VSNL1: variants seen among roughly 807,000 people sequenced by gnomAD.
VSNL1 encodes the protein visinin-like protein 1.
In VSNL1, 6 loss-of-function variants were observed where a neutral mutation model predicts 20.4. The observed-to-expected ratio is 0.29, with a 90% CI of 0.16 to 0.58. VSNL1 has a LOEUF of 0.58. VSNL1 is among the 20% of genes least tolerant of loss of function. The pLI, the probability that VSNL1 is intolerant of heterozygous loss-of-function variation, is 0.90. For synonymous variants in VSNL1, 93 were observed against 86.4 expected (o/e 1.08, Z -0.42); for missense variants, 100 against 234.5 (o/e 0.43, Z 3.75).
intron 2 of VSNL1, among the ~76,000 whole-genome samples, chr2:17,594,883 G>A (rs754827531): frequency 8.5e-5 from 13 of 152,220 alleles, no homozygotes; most frequent in Non-Finnish European, 1.6e-4. Context: ...AACTCCTTCA[G>A]CAGATATATT....
chr2:17,644,434 A>G (rs1284960227), intron 2 of VSNL1, among the ~76,000 whole-genome samples: 5 of 152,170 alleles, frequency 3.3e-5, no homozygotes, highest in Non-Finnish European at 7.4e-5. Context: ...GCAGCCTGAC[A>G]GTGCACGAGG....
chr2:17,637,736 C>T (rs1036420617), intron 2 of VSNL1, among the ~76,000 whole-genome samples: 87 of 152,192 alleles, frequency 5.7e-4, no homozygotes, highest in Admixed American at 5.6e-3. Context: ...TTCATGAGAT[C>T]CCCAGGAGAT....
intron 1 of VSNL1, among the ~76,000 whole-genome samples, chr2:17,583,054 G>A (rs1020200641): frequency 6.6e-6 from 1 of 152,076 alleles, no homozygotes; most frequent in Non-Finnish European, 1.5e-5. Flanking sequence ...TAGAATTACT[G>A]TAGAGATAAC....
intron 2 of VSNL1, among the ~76,000 whole-genome samples, chr2:17,633,502 G>A (rs1173223945): frequency 6.6e-6 from 1 of 151,602 alleles, no homozygotes; most frequent in Non-Finnish European, 1.5e-5. Flanking sequence ...CTGGGTGACA[G>A]AGTGAGACTC....
At chr2:17,543,854 T>C (rs1663350726) in intron 1 of VSNL1, among the ~76,000 whole-genome samples, 1 of 152,210 alleles carries the variant, frequency 6.6e-6, no homozygotes, top group Non-Finnish European at 1.5e-5. Flanking sequence ...TTTCCTCTTT[T>C]GCTTTCTCCA....
chr2:17,586,904 T>A (rs1664488588), intron 1 of VSNL1, among the ~76,000 whole-genome samples: 1 of 152,090 alleles, frequency 6.6e-6, no homozygotes, highest in African/African-American at 2.4e-5. Context: ...AGTCTAAGCA[T>A]GAGAAGGCCA....
intron 1 of VSNL1, among the ~76,000 whole-genome samples, chr2:17,542,618 C>T (rs1663311105): frequency 6.6e-6 from 1 of 152,156 alleles, no homozygotes; most frequent in Admixed American, 6.5e-5. Context: ...TTGTCTATTC[C>T]TTCTTTCCTT....
chr2:17,548,101 C>G (rs1007671617), intron 1 of VSNL1, among the ~76,000 whole-genome samples: 1 of 152,068 alleles, frequency 6.6e-6, no homozygotes, highest in Non-Finnish European at 1.5e-5. Context: ...CTCCTATGAG[C>G]TACTCTTTCA....
intron 1 of VSNL1, among the ~76,000 whole-genome samples, chr2:17,551,661 T>A (rs1229274590): frequency 6.6e-6 from 1 of 152,140 alleles, no homozygotes; most frequent in Non-Finnish European, 1.5e-5. Flanking sequence ...GAAAGTGATC[T>A]AGATCCAAGT....
At chr2:17,606,443 G>C (rs1376736004) in intron 2 of VSNL1, among the ~76,000 whole-genome samples, 1 of 152,206 alleles carries the variant, frequency 6.6e-6, no homozygotes, top group Non-Finnish European at 1.5e-5. Context: ...TGCTTCACCT[G>C]CTTCCCAGAG....
chr2:17,623,438 T>C (rs1277276084), intron 2 of VSNL1, among the ~76,000 whole-genome samples: 1 of 151,728 alleles, frequency 6.6e-6, no homozygotes, highest in Non-Finnish European at 1.5e-5. Context: ...GGGAGACCAA[T>C]GTGGGCAGAT....
At chr2:17,568,242 T>C (rs893145819) in intron 1 of VSNL1, among the ~76,000 whole-genome samples, 1 of 152,214 alleles carries the variant, frequency 6.6e-6, no homozygotes, top group African/African-American at 2.4e-5. Flanking sequence ...ACCTTTTTAA[T>C]ATGTATACTT....
chr2:17,561,651 T>C (rs1262004586), intron 1 of VSNL1, among the ~76,000 whole-genome samples: 1 of 152,218 alleles, frequency 6.6e-6, no homozygotes. Context: ...CAGACCAGTT[T>C]GGAGGCTATT....
intron 1 of VSNL1, among the ~76,000 whole-genome samples, chr2:17,581,851 T>A (rs565499087): frequency 6.6e-6 from 1 of 152,322 alleles, no homozygotes; most frequent in South Asian, 2.1e-4. Flanking sequence ...ATTTCCTGGG[T>A]ATCTGTTCAG....
chr2:17,609,515 T>C (rs78267272), intron 2 of VSNL1, among the ~76,000 whole-genome samples: 8,232 of 152,304 alleles, frequency 0.054, 259 homozygotes, highest in East Asian at 0.092. Context: ...CTTCTTTCTG[T>C]CATCAGCCTC....
At chr2:17,600,464 C>T (rs529427038) in intron 2 of VSNL1, among the ~76,000 whole-genome samples, 1 of 152,182 alleles carries the variant, frequency 6.6e-6, no homozygotes, top group Non-Finnish European at 1.5e-5. Context: ...CAAGAATTTT[C>T]TCTCATCAGA....
intron 1 of VSNL1, among the ~76,000 whole-genome samples, chr2:17,586,074 G>A (rs576380924): frequency 3.9e-5 from 6 of 152,102 alleles, no homozygotes; most frequent in African/African-American, 4.8e-5. Context: ...CTCCCAAAGC[G>A]CTGGGATTAC....
intron 2 of VSNL1, among the ~76,000 whole-genome samples, chr2:17,611,977 G>A (rs1665100467): frequency 6.6e-6 from 1 of 152,194 alleles, no homozygotes; most frequent in Non-Finnish European, 1.5e-5. Context: ...CAGAATATAT[G>A]ATACACACAG....
chr2:17,620,996 G>T (rs1436128504), intron 2 of VSNL1, among the ~76,000 whole-genome samples: 2 of 152,146 alleles, frequency 1.3e-5, no homozygotes, highest in African/African-American at 2.4e-5. Context: ...CTGATGAGTA[G>T]AATAAAGCAA....
Sources: allele counts gnomAD v4.1 joint callset (sites outside exome capture counted in the v4.1 genomes callset), GRCh38; gene constraint gnomAD v4.1.1; transcripts MANE v1.5; gene names NCBI Gene and HGNC (gene_info 2026-07-23, HGNC 2026-07-21).